The following PLEKHG3 variants were observed in gnomAD, a reference collection of about 807,000 sequenced individuals.
PLEKHG3 encodes pleckstrin homology and RhoGEF domain containing G3, also known as pleckstrin homology domain-containing family G member 3.
In PLEKHG3, 62 loss-of-function variants were observed where a neutral mutation model predicts 94.9. The ratio of observed to expected loss-of-function variants is 0.65; its 90% CI spans 0.53 to 0.81. PLEKHG3 has a LOEUF of 0.81. PLEKHG3 is among the 30% of genes least tolerant of loss of function. PLEKHG3 has a pLI of 0.00. For missense variants in PLEKHG3, 1,461 were observed against 1,619.3 expected, an observed-to-expected ratio of 0.90 and a Z score of 1.68; for synonymous variants, 614 against 654.0, an observed-to-expected ratio of 0.94 and a Z score of 0.93.
At position 64,730,657 on chromosome 14, in the gene PLEKHG3, A is replaced by G; in HGVS notation, c.535A>G (p.Ile179Val). Residue 179 changes from isoleucine (I) to valine (V), a missense_variant, in exon 5 of 17, where the codon ATC becomes GTC. Coordinates refer to ENST00000247226, the MANE Select transcript of PLEKHG3 (RefSeq NM_001308147.2). The surrounding 1 kb of genome is among the most constrained non-coding windows in gnomAD (Gnocchi z 5.4). Reference sequence around the variant, plus strand: ...CTCTTCTTAGAGCCAAGAGTTTGATATCTACACTCAGTATTGCAACAATTA... The same window carrying G: ...CTCTTCTTAGAGCCAAGAGTTTGATGTCTACACTCAGTATTGCAACAATTA... ...CFVERSQEFDIYTQYCNNYPN... is the reference protein window; with the variant it reads ...CFVERSQEFDVYTQYCNNYPN... The G allele has an allele frequency of 1.9e-6, 3 of 1,612,798 alleles. No individual in the cohort carries two copies. The highest frequency in any genetic ancestry group is 2.5e-6 in the Non-Finnish European group (3 of 1,178,870).
Position 64,750,177 on chromosome 14 carries a change from G to A in PLEKHG3, c.*6474G>A, listed in dbSNP as rs370729401. On this transcript the variant is annotated 3_prime_UTR_variant, in exon 17 of 17. Transcript: ENST00000247226. ...GACCTGCAAAGATGCAGACAGGCAG[G>A]TCACCCACATCCTGATATGGTATCT... The A allele has an allele frequency of 1.0e-4, 162 of 1,607,600 alleles. No homozygotes were observed. Among genetic ancestry groups the A allele is most frequent in the Non-Finnish European group, 1.0e-4 (117 of 1,174,980 alleles).
chr14:64,749,899 T>G lies in PLEKHG3; in HGVS notation c.*6196T>G. ...AGGAGCAGCTCAGGCCTGGCACTGG[T>G]CCCCTACAGAGGGCCTCTGCCCTGC... On this transcript the variant is annotated 3_prime_UTR_variant, in exon 17 of 17. Transcript: ENST00000247226. The surrounding 1 kb of genome is among the most constrained non-coding windows in gnomAD (Gnocchi z 4.7). The G allele has an allele frequency of 6.3e-7, 1 of 1,578,346 alleles. No individual in the cohort carries two copies. The highest frequency in any genetic ancestry group is 8.7e-7 in the Non-Finnish European group (1 of 1,148,246).
chr14:64,728,965 G>T lies in PLEKHG3; in HGVS notation c.352-31G>T. 1.1e-6 allele frequency: 1 copy of T among 896,146 alleles called. No individual in the cohort carries two copies. Among genetic ancestry groups the T allele is most frequent in the Non-Finnish European group, 1.8e-6 (1 of 566,446 alleles). The allele number at this position is 896,146 out of a possible 1,614,324, so 55.5% of individuals were successfully genotyped here. A position where few individuals can be genotyped will look rare whatever the true frequency, so the allele number is the denominator to read the frequency against. On this transcript the variant is annotated intron_variant, in intron 2 of 16. Coordinates refer to ENST00000247226, the MANE Select transcript of PLEKHG3 (RefSeq NM_001308147.2). The surrounding 1 kb of genome is among the most constrained non-coding windows in gnomAD (Gnocchi z 5.9). ...AGGTAGTGGGCAGGGTTGTGCCGGG[G>T]GCTAGGTTCTGACCACCTCCCTCCA...
chr14:64,742,529 C>CTTAT, intron 16 of PLEKHG3, 74 bp downstream of exon 16: 3 of 1,175,152 alleles, frequency 2.6e-6, no homozygotes, highest in Non-Finnish European at 3.5e-6. Flanking sequence ...CACTTGGCTC[C>CTTAT]TCGGGGAAAG....
intron 1 of PLEKHG3, among the ~76,000 whole-genome samples, chr14:64,712,765 T>G (rs1227027270): frequency 6.6e-6 from 1 of 152,198 alleles, no homozygotes; most frequent in Non-Finnish European, 1.5e-5. Flanking sequence ...TGAATAGAGA[T>G]TGTTTTATTT....
rs1038615231 is a variant in PLEKHG3 at position 64,744,415 on chromosome 14, G to A, written c.*712G>A. 1 of 152,546 alleles carries A rather than the reference G, an allele frequency of 6.6e-6. No homozygotes were observed. The highest frequency in any genetic ancestry group is 1.5e-5 in the Non-Finnish European group (1 of 68,054). 9.4% of individuals were successfully genotyped at this position (152,546 alleles called of 1,614,324 possible). ...TATTCATGGGCCAGGGATGTCTTAG[G>A]GAGATGGAGACATGGAGGTTGTTCC... On this transcript the variant is annotated 3_prime_UTR_variant, in exon 17 of 17. Coordinates refer to ENST00000247226, the MANE Select transcript of PLEKHG3 (RefSeq NM_001308147.2).
rs2081270196 is a variant in PLEKHG3, at chr14:64,722,003, A to G, written c.-39-5590A>G. ...CCACACTGTTTTTTCTGGAAAAGTTATAGCTTTTCTCTATTGCTTCCTTCT... is the reference window on the plus strand; with the variant it reads ...CCACACTGTTTTTTCTGGAAAAGTTGTAGCTTTTCTCTATTGCTTCCTTCT... On this transcript the variant is annotated intron_variant, in intron 1 of 16. Coordinates refer to ENST00000247226, the MANE Select transcript of PLEKHG3 (RefSeq NM_001308147.2). The surrounding 1 kb of genome is among the most constrained non-coding windows in gnomAD (Gnocchi z 4.3). Among the ~76,000 whole-genome samples the G allele has an allele frequency of 6.6e-6, 1 of 152,170 alleles. No individual in the cohort carries two copies. The highest frequency in any genetic ancestry group is 1.5e-5 in the Non-Finnish European group (1 of 68,026).
chr14:64,736,665 C>G (rs2081575741), intron 12 of PLEKHG3, among the ~76,000 whole-genome samples, 188 bp from the exon 13 acceptor site: 1 of 152,204 alleles, frequency 6.6e-6, no homozygotes. Flanking sequence ...GCCCGCCTCC[C>G]TGTCCGTAGG....
chr14:64,743,251 C>T lies in PLEKHG3; in HGVS notation c.3208C>T (p.Arg1070Trp), dbSNP rs746524609. 1.7e-5 allele frequency: 28 copies of T among 1,605,848 alleles called. No individual in the cohort carries two copies. The Admixed American group carries it at 2.3e-4, about 13-fold the overall frequency. Residue 1070 changes from arginine (R) to tryptophan (W), a missense_variant, in exon 17 of 17, where the codon CGG becomes TGG. Physicochemically the swap from Arg to Trp is moderately radical, Grantham distance 101. Transcript: ENST00000247226. This position sits in a 1 kb window ranked among gnomAD's most constrained non-coding sequence, Gnocchi z 7.2. ...TGAGGCACGCCGAGCAGGGGGCGGC[C>T]GGCCCCGCGGCCCACCCGTCAACAG... ...RDEARRAGGG[R>W]PRGPPVNRSH...
At position 64,715,441 on chromosome 14, in the gene PLEKHG3, C is replaced by G. The variant is rs2081124998; in HGVS notation, c.-40+10737C>G. 1.3e-5 allele frequency among the ~76,000 whole-genome samples: 2 copies of G among 152,142 alleles called. No individual in the cohort carries two copies. Among genetic ancestry groups the G allele is most frequent in the Admixed American group, 1.3e-4 (2 of 15,274 alleles). On this transcript the variant is annotated intron_variant, in intron 1 of 16. Transcript: ENST00000247226. This position sits in a 1 kb window ranked among gnomAD's most constrained non-coding sequence, Gnocchi z 4.4. ...ATAGAGAATGTGTTTTGCCTTATGT[C>G]TGGTATACTCGAATAAATGCTAGCT...
rs917047020 is a variant in PLEKHG3 at position 64,737,517 on chromosome 14, C to G, written c.1404+142C>G. The G allele has an allele frequency of 4.7e-6, 3 of 636,320 alleles. No homozygotes were observed. In the African/African-American group the frequency reaches 5.5e-5, roughly 12 times the overall value. The allele number at this position is 636,320 out of a possible 1,614,324, so 39.4% of individuals were successfully genotyped here. ...ACCCACTGTGTACCAGGCTGTGTGG[C>G]TTAGGGCCACAGAGATGAATAAGAC... On this transcript the variant is annotated intron_variant, in intron 14 of 16. Coordinates refer to ENST00000247226, the MANE Select transcript of PLEKHG3 (RefSeq NM_001308147.2).
At position 64,750,136 on chromosome 14, in the gene PLEKHG3, G is replaced by A. The variant is rs771424744; in HGVS notation, c.*6433G>A. 12 of 1,613,126 alleles carry A rather than the reference G, an allele frequency of 7.4e-6. No homozygotes were observed. The highest frequency in any genetic ancestry group is 1.0e-5 in the Non-Finnish European group (12 of 1,179,108). ...TTAGCTCACTGTTCCTGAGCACACA[G>A]TACAGGTTGTTCCAGGACCTGCAAA... is the stretch of plus-strand genomic sequence containing the variant. On this transcript the variant is annotated 3_prime_UTR_variant, in exon 17 of 17. Coordinates refer to ENST00000247226, the MANE Select transcript of PLEKHG3 (RefSeq NM_001308147.2).
chr14:64,709,835 C>T (rs892852523), intron 1 of PLEKHG3, among the ~76,000 whole-genome samples: 1 of 151,574 alleles, frequency 6.6e-6, no homozygotes, highest in Admixed American at 6.6e-5. Context: ...ATCCCCAGTG[C>T]CTGTTGTACA....
At position 64,726,808 on chromosome 14, in the gene PLEKHG3, G is replaced by T. The variant is rs1404548838; in HGVS notation, c.-39-785G>T. 6.6e-6 allele frequency among the ~76,000 whole-genome samples: 1 copy of T among 152,208 alleles called. No homozygotes were observed. The highest frequency in any genetic ancestry group is 1.5e-5 in the Non-Finnish European group (1 of 68,030). On this transcript the variant is annotated intron_variant, in intron 1 of 16. Transcript: ENST00000247226. The surrounding 1 kb of genome is among the most constrained non-coding windows in gnomAD (Gnocchi z 5.1). ...GGCTGCGGAGTCGGGGGATAATGCTGGCTCAGCCAGTCAGTATCCAGAAAG... is the reference window on the plus strand; with the variant it reads ...GGCTGCGGAGTCGGGGGATAATGCTTGCTCAGCCAGTCAGTATCCAGAAAG...
chr14:64,714,469 A>T (rs1049566239), intron 1 of PLEKHG3, among the ~76,000 whole-genome samples: 1 of 152,052 alleles, frequency 6.6e-6, no homozygotes, highest in African/African-American at 2.4e-5. Flanking sequence ...TATCTTTTTC[A>T]TAGCACTTAC....
chr14:64,729,194 A>G, intron 3 of PLEKHG3, 101 bp downstream of exon 3: 2 of 588,454 alleles, frequency 3.4e-6, no homozygotes, highest in Non-Finnish European at 6.1e-6. Context: ...GGCCTGTGAC[A>G]TGTGGGCCTG....
chr14:64,737,301 TCCCCTCCCCTG>T, intron 13 of PLEKHG3, 44 bp from the exon 14 acceptor site: 1 of 1,431,396 alleles, frequency 7.0e-7, no homozygotes, highest in Non-Finnish European at 9.7e-7. Context: ...TCTCTTCCCC[TCCCCTCCCCTG>T]CCCCTCGCCC....
chr14:64,709,707 CT>C (rs1321303800), intron 1 of PLEKHG3, among the ~76,000 whole-genome samples: 5 of 150,682 alleles, frequency 3.3e-5, no homozygotes, highest in Non-Finnish European at 7.4e-5. Context: ...AACTCACATC[CT>C]TTACTTCCTA....
chr14:64,743,546 G>A lies in PLEKHG3; in HGVS notation c.3503G>A (p.Ser1168Asn). 1 of 1,613,014 alleles carries A rather than the reference G, an allele frequency of 6.2e-7. No individual in the cohort carries two copies. The highest frequency in any genetic ancestry group is 8.5e-7 in the Non-Finnish European group (1 of 1,179,936). Residue 1168 changes from serine to asparagine, a missense_variant, in exon 17 of 17, where the codon AGC becomes AAC. Around this residue, in one of 3 missense-constraint regions of PLEKHG3, gnomAD observed 1,201 missense variants for 1,295.5 expected, o/e 0.93. Transcript: ENST00000247226. The surrounding 1 kb of genome is among the most constrained non-coding windows in gnomAD (Gnocchi z 7.2). ...GAGGAGAGCAGTGGCCAGGGACCAA[G>A]CTCACCGGTGGCCCTGCTGGGGCAG... ...GLEESSGQGP[S>N]SPVALLGQVQ...
Sources: gnomAD v4.1 joint callset for allele counts (sites outside exome capture counted in the v4.1 genomes callset) on GRCh38, gnomAD v4.1.1 for gene constraint, gnomAD v4.1.1 regional missense constraint, Gnocchi (gnomAD v3.1) non-coding constraint, MANE v1.5 for transcripts, NCBI Gene and HGNC (gene_info 2026-07-23, HGNC 2026-07-21) for gene names.